The following HTR7 variants were observed in gnomAD, a reference collection of about 807,000 sequenced individuals.
The protein encoded by HTR7 is 5-HT-7.
HTR7 carries 16 observed loss-of-function variants against 34.0 expected under a neutral mutation model. The ratio of observed to expected loss-of-function variants is 0.47; its 90% CI spans 0.32 to 0.71. The LOEUF (loss-of-function observed/expected upper bound fraction) is 0.71, where lower values mean the gene tolerates loss of function less well. Among genes scored for constraint, HTR7 ranks in the 30% least tolerant of loss-of-function variants. The probability of loss-of-function intolerance (pLI) is 0.04; values close to 1 mark genes in which losing one functional copy is unlikely to be tolerated. For synonymous variants in HTR7, 265 were observed against 260.2 expected (o/e 1.02, Z -0.18); for missense variants, 504 against 625.5 (o/e 0.81, Z 2.07).
intron 1 of HTR7, among the ~76,000 whole-genome samples, chr10:90,836,900 C>T (rs1846261032): frequency 6.6e-6 from 1 of 152,180 alleles, no homozygotes; most frequent in African/African-American, 2.4e-5. Flanking sequence ...GACATAACAA[C>T]TTATGTAAGG....
chr10:90,823,711 T>A (rs1846024325), intron 1 of HTR7, among the ~76,000 whole-genome samples: 1 of 152,176 alleles, frequency 6.6e-6, no homozygotes, highest in African/African-American at 2.4e-5. Flanking sequence ...CCAAATCTCA[T>A]AATGACCTAC....
chr10:90,846,116 T>C (rs1846410424), intron 1 of HTR7, among the ~76,000 whole-genome samples: 1 of 152,258 alleles, frequency 6.6e-6, no homozygotes, highest in Non-Finnish European at 1.5e-5. Flanking sequence ...TTTTGAAATA[T>C]GTGCATATAC....
intron 1 of HTR7, among the ~76,000 whole-genome samples, chr10:90,811,995 CCT>C (rs1211698061): frequency 1.3e-5 from 2 of 152,190 alleles, no homozygotes; most frequent in Non-Finnish European, 1.5e-5. Flanking sequence ...CCCTTACAGT[CCT>C]CTGTCTTCAG....
At chr10:90,852,202 T>TAAAAAAAAAAAAAAAA (rs60371298) in intron 1 of HTR7, among the ~76,000 whole-genome samples, 2 of 135,242 alleles carry the variant, frequency 1.5e-5, no homozygotes, top group African/African-American at 2.8e-5. Context: ...TTATGTGAAG[T>TAAAAAAAAAAAAAAAA]AAAAAAAAAA....
At chr10:90,791,331 A>G (rs188537985) in intron 1 of HTR7, among the ~76,000 whole-genome samples, 1 of 152,182 alleles carries the variant, frequency 6.6e-6, no homozygotes, top group Admixed American at 6.5e-5. Context: ...TATACACAAT[A>G]CCTAAAGCAG....
rs1408381125 is a variant in HTR7 at position 90,748,880 on chromosome 10, G to A, written c.1254C>T (p.Ala418=). ...RKLSAAGMHE[A]LKLAERPERP... ...TCTCTGGCCTCTCAGCAAGCTTCAG[G>A]GCTTCATGCATGCCTGCAGCTGAGA... The change falls in exon 2 of 4, where the codon GCC becomes GCT. Residue 418 remains alanine (A), a synonymous_variant. Transcript: ENST00000336152. The A allele has an allele frequency of 6.2e-7, 1 of 1,614,020 alleles. No individual in the cohort carries two copies. The highest frequency in any genetic ancestry group is 2.2e-5 in the East Asian group (1 of 44,890).
intron 1 of HTR7, among the ~76,000 whole-genome samples, chr10:90,756,183 A>C (rs534985620): frequency 6.6e-6 from 1 of 152,342 alleles, no homozygotes; most frequent in South Asian, 2.1e-4. Context: ...AATGGCAGTT[A>C]CCTCCGGGGA....
chr10:90,780,087 T>C (rs1845282467), intron 1 of HTR7, among the ~76,000 whole-genome samples: 1 of 152,130 alleles, frequency 6.6e-6, no homozygotes, highest in Non-Finnish European at 1.5e-5. Flanking sequence ...TCCTTTAAAA[T>C]TTCAAGTATG....
intron 1 of HTR7, among the ~76,000 whole-genome samples, chr10:90,796,604 A>G (rs1845543586): frequency 6.6e-6 from 1 of 152,134 alleles, no homozygotes. Context: ...CCCAGCTACT[A>G]GGGAGGCTAA....
At chr10:90,792,840 C>G (rs1429951435) in intron 1 of HTR7, among the ~76,000 whole-genome samples, 1 of 151,976 alleles carries the variant, frequency 6.6e-6, no homozygotes, top group Non-Finnish European at 1.5e-5. Flanking sequence ...AACCATATAT[C>G]CACATGCAAA....
intron 2 of HTR7, among the ~76,000 whole-genome samples, chr10:90,748,215 T>C (rs1038039400): frequency 1.8e-4 from 27 of 152,076 alleles, no homozygotes; most frequent in Non-Finnish European, 2.5e-4. Context: ...GCTCACTGCA[T>C]AATCCAACCC....
intron 1 of HTR7, among the ~76,000 whole-genome samples, chr10:90,793,848 G>A (rs1176843544): frequency 1.3e-5 from 2 of 152,186 alleles, no homozygotes; most frequent in Non-Finnish European, 2.9e-5. Flanking sequence ...GTGTCCAAAA[G>A]CTGAAGAACT....
intron 1 of HTR7, among the ~76,000 whole-genome samples, chr10:90,768,258 T>A (rs1043155546): frequency 2.0e-5 from 3 of 152,204 alleles, no homozygotes; most frequent in African/African-American, 7.2e-5. Context: ...AGTATTGCAA[T>A]AGCCTCTAAA....
intron 1 of HTR7, among the ~76,000 whole-genome samples, chr10:90,767,890 C>T (rs993253019): frequency 6.6e-6 from 1 of 152,066 alleles, no homozygotes; most frequent in Non-Finnish European, 1.5e-5. Flanking sequence ...TTAGATTATC[C>T]CAAAATTTGG....
chr10:90,785,884 G>A (rs1245883349), intron 1 of HTR7, among the ~76,000 whole-genome samples: 2 of 152,260 alleles, frequency 1.3e-5, no homozygotes, highest in South Asian at 2.1e-4. Context: ...CCCCTTCTTG[G>A]GAGAGCTGGA....
chr10:90,753,362 T>A (rs976164767), intron 1 of HTR7, among the ~76,000 whole-genome samples: 1 of 151,596 alleles, frequency 6.6e-6, no homozygotes, highest in Non-Finnish European at 1.5e-5. Flanking sequence ...CAAGACCCTA[T>A]CTCTATTTTA....
At chr10:90,762,150 A>C (rs1844948715) in intron 1 of HTR7, among the ~76,000 whole-genome samples, 1 of 152,232 alleles carries the variant, frequency 6.6e-6, no homozygotes, top group African/African-American at 2.4e-5. Context: ...TATACCCAGA[A>C]GTAGAAGCAC....
chr10:90,857,059 A>C lies in HTR7; in HGVS notation c.539+74T>G. 1 of 1,368,102 alleles carries C rather than the reference A, an allele frequency of 7.3e-7. No homozygotes were observed. The highest frequency in any genetic ancestry group is 9.8e-7 in the Non-Finnish European group (1 of 1,017,636). 84.7% of individuals were successfully genotyped at this position (1,368,102 alleles called of 1,614,324 possible). ...TGAAGTCTAGCTTGATCCTCCCAGGAAAGGCGAGCGCGCGGGGCTGAGCTG... is the reference window on the plus strand; with the variant it reads ...TGAAGTCTAGCTTGATCCTCCCAGGCAAGGCGAGCGCGCGGGGCTGAGCTG... On this transcript the variant is annotated intron_variant, in intron 1 of 3. Coordinates refer to ENST00000336152, the MANE Select transcript of HTR7 (RefSeq NM_019859.4). The surrounding 1 kb of genome is among the most constrained non-coding windows in gnomAD (Gnocchi z 6.5).
At chr10:90,801,445 C>G (rs565825886) in intron 1 of HTR7, among the ~76,000 whole-genome samples, 1 of 152,146 alleles carries the variant, frequency 6.6e-6, no homozygotes, top group Non-Finnish European at 1.5e-5. Context: ...TTTTACCCCC[C>G]AAAATATATT....
Sources: allele counts gnomAD v4.1 joint callset (sites outside exome capture counted in the v4.1 genomes callset), GRCh38; gene constraint gnomAD v4.1.1; non-coding constraint Gnocchi (gnomAD v3.1); transcripts MANE v1.5; gene names NCBI Gene and HGNC (gene_info 2026-07-23, HGNC 2026-07-21).